Variants in ZSCAN23 observed in about 807,000 individuals in gnomAD.
The protein encoded by ZSCAN23 is zinc finger and SCAN domain-containing protein 23.
A neutral mutation model predicts 19.3 loss-of-function variants in ZSCAN23; 19 were observed. The ratio of observed to expected loss-of-function variants is 0.99; its 90% CI spans 0.69 to 1.45. The LOEUF (loss-of-function observed/expected upper bound fraction) is 1.45, where lower values mean the gene tolerates loss of function less well. Among genes scored for constraint, ZSCAN23 ranks in the 40% most tolerant of loss-of-function variants. The pLI is 0.00. For missense variants in ZSCAN23, 372 were observed against 462.5 expected (o/e 0.80, Z 1.79); for synonymous variants, 140 against 166.2 (o/e 0.84, Z 1.21).
chr6:28,425,125 C>A, the ZSCAN23 span, among the ~76,000 whole-genome samples: 1 of 152,140 alleles, frequency 6.6e-6, no homozygotes, highest in Non-Finnish European at 1.5e-5. Flanking sequence ...TGCACATCTC[C>A]CTCAGAGCTC....
chr6:28,425,912 G>GTTA, the ZSCAN23 span, among the ~76,000 whole-genome samples: 1 of 152,216 alleles, frequency 6.6e-6, no homozygotes, highest in African/African-American at 2.4e-5. Context: ...ACTTTGCACT[G>GTTA]TTATGTTGTG....
intron 1 of ZSCAN23, among the ~76,000 whole-genome samples, chr6:28,439,941 ATAAT>A (rs1367622243): frequency 6.6e-6 from 1 of 152,232 alleles, no homozygotes; most frequent in Non-Finnish European, 1.5e-5. Context: ...GAAACAGATA[ATAAT>A]TAAGTATTTG....
downstream of ZSCAN23, among the ~76,000 whole-genome samples, chr6:28,429,109 G>A (rs1039398612): frequency 2.6e-5 from 4 of 151,954 alleles, no homozygotes; most frequent in African/African-American, 9.7e-5. Flanking sequence ...TCCAACTTCT[G>A]AGAGTCCACA....
At chr6:28,431,971 C>CT (rs1761768853), downstream of ZSCAN23, 3 of 151,868 alleles carry the variant, frequency 2.0e-5, no homozygotes, top group Admixed American at 6.6e-5. Flanking sequence ...ATATTTTGTT[C>CT]TTTTTTCTTT....
In ZSCAN23 at chr6:28,434,832, T is replaced by A. The variant is rs750568928; in HGVS notation, c.803A>T (p.Gln268Leu). 19 of 1,591,658 alleles carry A rather than the reference T, an allele frequency of 1.2e-5. No homozygotes were observed. The highest frequency in any genetic ancestry group is 1.5e-5 in the Non-Finnish European group (17 of 1,168,912). The change falls in exon 4 of 4, where the codon CAG becomes CTG. Residue 268 changes from glutamine to leucine, a missense_variant. Gln to Leu is a moderately radical substitution (Grantham distance 113). Transcript: ENST00000289788. ...AGGCTTCTCACCTGTGTGTGTTCTC[T>A]GGTGCTCGATAAGGATGGAATTCTG... Reference protein sequence around the residue: ...FTQNSILIEHQRTHTGEKPYE... With the variant: ...FTQNSILIEHLRTHTGEKPYE...
Position 28,434,743 on chromosome 6 carries a change from GTC to G in ZSCAN23, c.890_891del (p.Arg297ThrfsTer43), listed in dbSNP as rs1196035002. 1 of 1,602,694 alleles carries G rather than the reference GTC, an allele frequency of 6.2e-7. No individual in the cohort carries two copies. Among genetic ancestry groups the G allele is most frequent in the South Asian group, 1.1e-5 (1 of 89,424 alleles). ...SQRSGLFQHQ[R>X]LHTGEKRYQC... ...TGGTAGCGCTTCTCCCCAGTGTGGA[GTC>G]TCTGGTGCTGGAATAGGCCTGACCT... On this transcript the variant is annotated frameshift_variant, in exon 4 of 4. Coordinates refer to ENST00000289788, the MANE Select transcript of ZSCAN23 (RefSeq NM_001012455.2). LOFTEE classifies it low-confidence loss of function (END_TRUNC).
At chr6:28,426,511 C>T in the ZSCAN23 span, among the ~76,000 whole-genome samples, 3 of 151,906 alleles carry the variant, frequency 2.0e-5, no homozygotes, top group Admixed American at 6.6e-5. Context: ...TTAGCGGTGC[C>T]CCAAAACAAT....
Position 28,435,970 on chromosome 6 carries a change from G to C in ZSCAN23, c.297C>G (p.Ile99Met). The C allele has an allele frequency of 6.2e-7, 1 of 1,614,190 alleles. No individual in the cohort carries two copies. The highest frequency in any genetic ancestry group is 8.5e-7 in the Non-Finnish European group (1 of 1,180,028). The change falls in exon 2 of 4, where the codon ATC (isoleucine) becomes ATG (methionine). Residue 99 changes from isoleucine (I) to methionine (M), a missense_variant. By Grantham distance (10) the Ile-to-Met change is conservative (BLOSUM62 1). Coordinates refer to ENST00000289788, the MANE Select transcript of ZSCAN23 (RefSeq NM_001012455.2). ...CCCAGGCCTGGAGCTCCTCAGGCAG[G>C]ATAGTCAGGAACTGCTCCAGCACCA... is the stretch of plus-strand genomic sequence containing the variant. ...ELLVLEQFLT[I>M]LPEELQAWVR... is the part of the protein sequence containing the mutation.
chr6:28,440,340 C>T (rs562110599), intron 1 of ZSCAN23, among the ~76,000 whole-genome samples: 1 of 152,174 alleles, frequency 6.6e-6, no homozygotes, highest in South Asian at 2.1e-4. Flanking sequence ...ATTTTTGAGC[C>T]AAGGGGTAAC....
In ZSCAN23 at chr6:28,435,090, A is replaced by G; in HGVS notation, c.557-12T>C. 6.6e-7 allele frequency: 1 copy of G among 1,511,088 alleles called. No homozygotes were observed. The highest frequency in any genetic ancestry group is 1.3e-5 in the South Asian group (1 of 78,294). The allele number at this position is 1,511,088 out of a possible 1,614,324, so 93.6% of individuals were successfully genotyped here. On this transcript the variant is annotated splice_polypyrimidine_tract_variant and intron_variant, in intron 3 of 3. Transcript: ENST00000289788. The stretch of plus-strand genomic sequence containing the variant: ...CCCAGCCTTGCCATCTAAAATAACG[A>G]TAACATGAAAGATAACATGAAGTAT...
At position 28,434,187 on chromosome 6, in the gene ZSCAN23, G is replaced by A. The variant is rs967900398; in HGVS notation, c.*278C>T. ...TTTTAAAAAAAGTTTTTAAAAACTA[G>A]GATGAAGAAGTTTTCCTGAAATAGA... On this transcript the variant is annotated 3_prime_UTR_variant, in exon 4 of 4. Transcript: ENST00000289788. 6.2e-6 allele frequency: 2 copies of A among 320,834 alleles called. No homozygotes were observed. Among genetic ancestry groups the A allele is most frequent in the Admixed American group, 4.4e-5 (1 of 22,658 alleles). The allele number at this position is 320,834 out of a possible 1,614,324, so 19.9% of individuals were successfully genotyped here. A position where few individuals can be genotyped will look rare whatever the true frequency, so the allele number is the denominator to read the frequency against.
At position 28,433,136 on chromosome 6, in the gene ZSCAN23, G is replaced by C. The variant is rs1022966273; in HGVS notation, c.*1329C>G. 6.6e-6 allele frequency: 1 copy of C among 152,130 alleles called. No homozygotes were observed. Among genetic ancestry groups the C allele is most frequent in the Admixed American group, 6.5e-5 (1 of 15,278 alleles). 9.4% of individuals were successfully genotyped at this position (152,130 alleles called of 1,614,324 possible). A position where few individuals can be genotyped will look rare whatever the true frequency, so the allele number is the denominator to read the frequency against. On this transcript the variant is annotated 3_prime_UTR_variant, in exon 4 of 4. Coordinates refer to ENST00000289788, the MANE Select transcript of ZSCAN23 (RefSeq NM_001012455.2). ...ACTCCACTGTAAATTAAATAGAGGAGTTGTGCTTTATTGAAACATATAAAT... is the reference window on the plus strand; with the variant it reads ...ACTCCACTGTAAATTAAATAGAGGACTTGTGCTTTATTGAAACATATAAAT...
At chr6:28,431,561 C>T (rs1215681353), downstream of ZSCAN23, among the ~76,000 whole-genome samples, 1 of 152,172 alleles carries the variant, frequency 6.6e-6, no homozygotes, top group Non-Finnish European at 1.5e-5. Flanking sequence ...AACCAACAAC[C>T]CAGGTGATTC....
chr6:28,424,909 A>C, the ZSCAN23 span, among the ~76,000 whole-genome samples: 1 of 152,198 alleles, frequency 6.6e-6, no homozygotes, highest in Non-Finnish European at 1.5e-5. Context: ...AAATGTTCTT[A>C]ATTGCATCTA....
At chr6:28,431,863 CATCT>C (rs1297473148), downstream of ZSCAN23, 23 of 152,322 alleles carry the variant, frequency 1.5e-4, no homozygotes, top group East Asian at 3.5e-3. Context: ...TCTGTCTCTG[CATCT>C]ATCTTTTTAT....
the ZSCAN23 span, among the ~76,000 whole-genome samples, chr6:28,424,846 C>G: frequency 6.6e-6 from 1 of 152,210 alleles, no homozygotes; most frequent in African/African-American, 2.4e-5. Flanking sequence ...TGGGAATCAA[C>G]TTCTTCCAAA....
intron 1 of ZSCAN23, among the ~76,000 whole-genome samples, chr6:28,441,756 A>G (rs1315984502): frequency 6.6e-6 from 1 of 151,946 alleles, no homozygotes; most frequent in East Asian, 1.9e-4. Context: ...GCAATCGTAT[A>G]TACACATGTA....
At chr6:28,427,791 A>G (rs1761687198), downstream of ZSCAN23, among the ~76,000 whole-genome samples, 1 of 152,148 alleles carries the variant, frequency 6.6e-6, no homozygotes, top group Non-Finnish European at 1.5e-5. Flanking sequence ...AAAAATGTCT[A>G]GTATCCAGCT....
Position 28,443,427 on chromosome 6 carries a change from T to G in ZSCAN23, c.-106A>C, listed in dbSNP as rs550120437. 5 of 152,476 alleles carry G rather than the reference T, an allele frequency of 3.3e-5. No individual in the cohort carries two copies. In the East Asian group the frequency reaches 9.6e-4, roughly 29 times the overall value. The allele number at this position is 152,476 out of a possible 1,614,324, so 9.4% of individuals were successfully genotyped here. A position where few individuals can be genotyped will look rare whatever the true frequency, so the allele number is the denominator to read the frequency against. ...GGCATCCGTGAGAGGAGATGCCACC[T>G]AGCGCAGATCACATCTGCTCTGAAT... On this transcript the variant is annotated 5_prime_UTR_variant, in exon 1 of 4. Coordinates refer to ENST00000289788, the MANE Select transcript of ZSCAN23 (RefSeq NM_001012455.2).
Sources: gnomAD v4.1 joint callset for allele counts (sites outside exome capture counted in the v4.1 genomes callset) on GRCh38, gnomAD v4.1.1 for gene constraint, MANE v1.5 for transcripts, NCBI Gene and HGNC (gene_info 2026-07-23, HGNC 2026-07-21) for gene names.